NCAPG2: variants seen among roughly 807,000 people sequenced by gnomAD.
NCAPG2 encodes non-SMC condensin II complex subunit G2, also known as condensin-2 complex subunit G2.
A neutral mutation model predicts 141.1 loss-of-function variants in NCAPG2; 53 were observed. That is an observed-to-expected ratio of 0.38 (90% confidence interval 0.30 to 0.47). The LOEUF is 0.47. Ranked by LOEUF, NCAPG2 falls within the 20% of genes least tolerant of loss-of-function variation. The pLI is 0.99. For missense variants in NCAPG2, 1,087 were observed against 1,389.0 expected (o/e 0.78, Z 3.46); for synonymous variants, 499 against 490.7 (o/e 1.02, Z -0.22).
intron 13 of NCAPG2, 147 bp from the exon 14 acceptor site, chr7:158,664,897 G>A: frequency 1.5e-6 from 1 of 645,850 alleles, no homozygotes; most frequent in Non-Finnish European, 2.7e-6. Flanking sequence ...ACCAAAATCT[G>A]TGACTTTCTG....
At chr7:158,652,539 A>T (rs1407390867) in intron 22 of NCAPG2, 59 bp from the exon 23 acceptor site, 2 of 1,317,400 alleles carry the variant, frequency 1.5e-6, no homozygotes, top group Non-Finnish European at 1.1e-6. Context: ...TGAAATCATT[A>T]CACATTTCTC....
chr7:158,671,316 G>A (rs1188540563), intron 13 of NCAPG2, among the ~76,000 whole-genome samples, 198 bp downstream of exon 13: 1 of 152,228 alleles, frequency 6.6e-6, no homozygotes, highest in Non-Finnish European at 1.5e-5. Context: ...TTACATTAAT[G>A]TCTTTCAGAA....
intron 10 of NCAPG2, 81 bp downstream of exon 10, chr7:158,680,640 G>T: frequency 3.4e-6 from 3 of 872,672 alleles, no homozygotes; most frequent in Non-Finnish European, 5.0e-6. Flanking sequence ...CTATTTTATT[G>T]TAATTTGGAC....
chr7:158,631,222 T>C lies in NCAPG2; in HGVS notation c.*444A>G, dbSNP rs1378826376. The C allele has an allele frequency of 5.7e-6, 1 of 176,954 alleles. No individual in the cohort carries two copies. The highest frequency in any genetic ancestry group is 1.8e-4 in the East Asian group (1 of 5,604). 11.0% of individuals were successfully genotyped at this position (176,954 alleles called of 1,614,324 possible). A position where few individuals can be genotyped will look rare whatever the true frequency, so the allele number is the denominator to read the frequency against. On this transcript the variant is annotated 3_prime_UTR_variant, in exon 28 of 28. Coordinates refer to ENST00000356309, the MANE Select transcript of NCAPG2 (RefSeq NM_017760.7). ...GTCTTGAACTCCTGACCTCAAGTGA[T>C]CTATCTGCCTGCCTCAGCCTCCCAA...
chr7:158,689,678 G>A (rs568108292), intron 6 of NCAPG2, 141 bp downstream of exon 6: 6 of 620,132 alleles, frequency 9.7e-6, no homozygotes, highest in Middle Eastern at 7.1e-4. Flanking sequence ...GTACTGCCAT[G>A]CAGTAAAAAT....
chr7:158,635,514 T>C (rs1830125669), intron 27 of NCAPG2, among the ~76,000 whole-genome samples: 1 of 152,206 alleles, frequency 6.6e-6, no homozygotes, highest in Non-Finnish European at 1.5e-5. Flanking sequence ...AATATATTAT[T>C]TATATTTGTA....
rs138684721 is a variant in NCAPG2, at chr7:158,698,478, C to G, written c.78+3344G>C. 1.5e-4 allele frequency among the ~76,000 whole-genome samples: 23 copies of G among 152,318 alleles called. 1 individual carries two copies. The highest frequency in any genetic ancestry group is 5.1e-4 in the African/African-American group (21 of 41,562). ...TACCTTTTCAATGTTTAGACACACA[C>G]CATTGTGTTACAACACTGTGCCTAC... On this transcript the variant is annotated intron_variant, in intron 2 of 27. Coordinates refer to ENST00000356309, the MANE Select transcript of NCAPG2 (RefSeq NM_017760.7).
At chr7:158,637,093 G>C (rs943364977) in intron 27 of NCAPG2, among the ~76,000 whole-genome samples, 1 of 151,848 alleles carries the variant, frequency 6.6e-6, no homozygotes, top group African/African-American at 2.4e-5. Context: ...GACTACAGGC[G>C]CCCGCCACCA....
chr7:158,688,186 A>AC (rs1554570704), intron 6 of NCAPG2, among the ~76,000 whole-genome samples: 2 of 151,636 alleles, frequency 1.3e-5, no homozygotes, highest in South Asian at 2.1e-4. Context: ...TTAAAAAAAA[A>AC]AACAGTAATA....
chr7:158,655,386 G>T lies in NCAPG2; in HGVS notation c.2458C>A (p.Arg820=). Residue 820 remains arginine, a synonymous_variant, in exon 20 of 28, where the codon CGA becomes AGA. Transcript: ENST00000356309. ...AGGCGACAGTGGAGACCAAAGGCTC[G>T]CGGGGCAGCTGCTTCACTGAAGCCA... The part of the protein sequence containing the change: ...PRGFSEAAAP[R]AFGLHCRLSI... 1.2e-6 allele frequency: 2 copies of T among 1,614,138 alleles called. No individual in the cohort carries two copies. Among genetic ancestry groups the T allele is most frequent in the African/African-American group, 1.3e-5 (1 of 75,038 alleles).
At chr7:158,686,272 C>A (rs1003899369) in intron 7 of NCAPG2, 31 bp from the exon 8 acceptor site, 2 of 1,278,004 alleles carry the variant, frequency 1.6e-6, no homozygotes, top group Non-Finnish European at 2.2e-6. Flanking sequence ...AGTTTTAATG[C>A]AAATTTTAAG....
rs375191706 is a variant in NCAPG2, at chr7:158,646,611, T to C, written c.3076-48A>G. 3.9e-6 allele frequency: 5 copies of C among 1,284,494 alleles called. No homozygotes were observed. The African/African-American group carries it at 6.3e-5, about 16-fold the overall frequency. 79.6% of individuals were successfully genotyped at this position (1,284,494 alleles called of 1,614,324 possible). On this transcript the variant is annotated intron_variant, in intron 24 of 27. Coordinates refer to ENST00000356309, the MANE Select transcript of NCAPG2 (RefSeq NM_017760.7). ...AGTTGTAAACAGAGACTAGGCTACT[T>C]ACTTGTAAATTACATTGCTTTGGGT...
chr7:158,701,165 A>G (rs1299365357), intron 2 of NCAPG2, among the ~76,000 whole-genome samples: 6 of 152,170 alleles, frequency 3.9e-5, no homozygotes, highest in Admixed American at 3.3e-4. Flanking sequence ...CACCATATCC[A>G]TATCCAATCA....
intron 13 of NCAPG2, chr7:158,667,310 GCCGCTACTGTGTCCCT>G (rs202167319): frequency 0.075 from 11,842 of 157,894 alleles, 2,433 homozygotes; most frequent in African/African-American, 0.14. Context: ...TCCACCCTTA[GCCGCTACTGTGTCCCT>G]CCGCTACTGT....
chr7:158,654,972 A>G, intron 21 of NCAPG2, 146 bp downstream of exon 21: 1 of 1,222,228 alleles, frequency 8.2e-7, no homozygotes, highest in Non-Finnish European at 1.1e-6. Flanking sequence ...TTGCAAAAAG[A>G]TAAACTAGAA....
intron 2 of NCAPG2, 149 bp from the exon 3 acceptor site, chr7:158,693,646 A>G: frequency 1.5e-6 from 1 of 672,980 alleles, no homozygotes; most frequent in Non-Finnish European, 2.4e-6. Flanking sequence ...CTAAAAGGGA[A>G]GAAGCACAGG....
In NCAPG2 at chr7:158,636,257, A is replaced by G. The variant is rs555811404; in HGVS notation, c.3381-4540T>C. On this transcript the variant is annotated intron_variant, in intron 27 of 27. Coordinates refer to ENST00000356309, the MANE Select transcript of NCAPG2 (RefSeq NM_017760.7). ...CTCTCAATGTAACTAACATAATTCA[A>G]GTAGTTAGCCTGAAACTAAGTATAA... Among the ~76,000 whole-genome samples the G allele has an allele frequency of 2.6e-5, 4 of 152,304 alleles. No homozygotes were observed. The East Asian group carries it at 7.7e-4, about 29-fold the overall frequency.
At chr7:158,659,766 T>C (rs756626097) in intron 16 of NCAPG2, among the ~76,000 whole-genome samples, 5 of 152,036 alleles carry the variant, frequency 3.3e-5, no homozygotes, top group Admixed American at 6.6e-5. Flanking sequence ...AGGAATTAAT[T>C]TGCATTCACA....
At chr7:158,670,345 C>T (rs569179048) in intron 13 of NCAPG2, among the ~76,000 whole-genome samples, 2 of 152,284 alleles carry the variant, frequency 1.3e-5, no homozygotes, top group African/African-American at 2.4e-5. Context: ...GTGGGCAGAT[C>T]GCTTGAGCCC....
Sources: allele counts gnomAD v4.1 joint callset (sites outside exome capture counted in the v4.1 genomes callset), GRCh38; gene constraint gnomAD v4.1.1; transcripts MANE v1.5; gene names NCBI Gene and HGNC (gene_info 2026-07-23, HGNC 2026-07-21).